Variants in PARP15 observed in about 807,000 individuals in gnomAD.
PARP15 encodes the protein protein mono-ADP-ribosyltransferase PARP15.
PARP15 carries 50 observed loss-of-function variants against 62.1 expected under a neutral mutation model. That is an observed-to-expected ratio of 0.81 (90% CI 0.64 to 1.02). PARP15 has a LOEUF of 1.02. PARP15 is among the 50% of genes least tolerant of loss of function. The pLI is 0.00. For synonymous variants in PARP15, 309 were observed against 293.1 expected, an observed-to-expected ratio of 1.05 and a Z score of -0.55; for missense variants, 820 against 826.5, an observed-to-expected ratio of 0.99 and a Z score of 0.10.
At chr3:122,634,975 G>C (rs776595765) in intron 10 of PARP15, 45 bp from the exon 11 acceptor site, 1 of 1,572,812 alleles carries the variant, frequency 6.4e-7, no homozygotes, top group East Asian at 2.2e-5. Flanking sequence ...AATATACTGA[G>C]CCCCAAGGTC....
intron 1 of PARP15, among the ~76,000 whole-genome samples, chr3:122,586,887 T>A (rs879605325): frequency 6.6e-6 from 1 of 152,216 alleles, no homozygotes; most frequent in Non-Finnish European, 1.5e-5. Context: ...TTTAATAATA[T>A]GTATATACCA....
chr3:122,615,837 C>T lies in PARP15; in HGVS notation c.830C>T (p.Pro277Leu). 1 of 1,613,062 alleles carries T rather than the reference C, an allele frequency of 6.2e-7. No homozygotes were observed. The highest frequency in any genetic ancestry group is 8.5e-7 in the Non-Finnish European group (1 of 1,179,426). Residue 277 changes from proline to leucine, a missense_variant, in exon 5 of 12, where the codon CCC (proline) becomes CTC (leucine). Around this residue, in one of 3 missense-constraint regions of PARP15, gnomAD observed 731 missense variants for 727.7 expected, o/e 1.00. Coordinates refer to ENST00000464300, the MANE Select transcript of PARP15 (RefSeq NM_001113523.3). ...SRINPNKARI[P>L]MAGDTQGVVG... ...ATAAATCCCAACAAGGCCAGGATTC[C>T]CATGGCAGGAGATACCCAAGGTCTG...
chr3:122,624,076 G>A (rs1936529215), intron 8 of PARP15, among the ~76,000 whole-genome samples: 1 of 152,014 alleles, frequency 6.6e-6, no homozygotes, highest in East Asian at 1.9e-4. Flanking sequence ...ACTTGAATTC[G>A]GGAGGCAGAG....
intron 10 of PARP15, among the ~76,000 whole-genome samples, chr3:122,634,564 A>G (rs1937244375): frequency 1.3e-5 from 2 of 152,198 alleles, no homozygotes; most frequent in Admixed American, 1.3e-4. Flanking sequence ...TTATGAGGTG[A>G]TCTGTGACCA....
intron 11 of PARP15, among the ~76,000 whole-genome samples, chr3:122,635,405 T>G (rs1937298931): frequency 6.6e-6 from 1 of 151,966 alleles, no homozygotes; most frequent in African/African-American, 2.4e-5. Flanking sequence ...ACGTGCAGTT[T>G]TTTTTTTAAT....
At chr3:122,630,834 A>G (rs567484081) in intron 9 of PARP15, among the ~76,000 whole-genome samples, 1 of 152,294 alleles carries the variant, frequency 6.6e-6, no homozygotes, top group East Asian at 1.9e-4. Flanking sequence ...TTAACTTTGC[A>G]ACAATCCCAT....
intron 2 of PARP15, among the ~76,000 whole-genome samples, chr3:122,607,684 G>A (rs1281506223): frequency 6.6e-6 from 1 of 152,200 alleles, no homozygotes; most frequent in African/African-American, 2.4e-5. Context: ...AGTCCACTGA[G>A]TTGATTATAA....
At position 122,623,509 on chromosome 3, in the gene PARP15, A is replaced by G. The variant is rs11919207; in HGVS notation, c.1231+1898A>G. 6.2e-3 allele frequency among the ~76,000 whole-genome samples: 951 copies of G among 152,362 alleles called. 10 individuals carry two copies. The highest frequency in any genetic ancestry group is 0.022 in the African/African-American group (904 of 41,592). On this transcript the variant is annotated intron_variant, in intron 8 of 11. Transcript: ENST00000464300. ...GAAGAGGGCTGAGACCAGAACAGTG[A>G]GAAATGCCCACAGGTAGATTGTGGC...
chr3:122,585,175 A>G (rs1933320028), intron 1 of PARP15, among the ~76,000 whole-genome samples: 2 of 152,158 alleles, frequency 1.3e-5, no homozygotes, highest in Admixed American at 1.3e-4. Flanking sequence ...TTTTGCAGTG[A>G]GAAAGATTTA....
intron 1 of PARP15, among the ~76,000 whole-genome samples, chr3:122,597,744 T>G (rs9883921): frequency 0.69 from 105,406 of 151,976 alleles, 39,062 homozygotes; most frequent in East Asian, 0.9. Context: ...TTTATATATA[T>G]GCATATTATA....
chr3:122,623,151 A>G (rs1193424566), intron 8 of PARP15, among the ~76,000 whole-genome samples: 1 of 152,170 alleles, frequency 6.6e-6, no homozygotes, highest in Admixed American at 6.5e-5. Flanking sequence ...TGCTGCAGGC[A>G]TTTTGTTACC....
intron 1 of PARP15, among the ~76,000 whole-genome samples, chr3:122,597,448 T>C (rs71329286): frequency 0.084 from 12,813 of 152,090 alleles, 547 homozygotes; most frequent in Non-Finnish European, 0.1. Context: ...GCCATGCTGG[T>C]GTACTGCACC....
intron 2 of PARP15, among the ~76,000 whole-genome samples, chr3:122,608,547 A>G (rs1935335772): frequency 6.6e-6 from 1 of 151,868 alleles, no homozygotes; most frequent in Non-Finnish European, 1.5e-5. Flanking sequence ...TATTCCATGC[A>G]CCTTGAATGC....
chr3:122,621,929 G>A (rs1559981954), intron 8 of PARP15, among the ~76,000 whole-genome samples: 1 of 152,110 alleles, frequency 6.6e-6, no homozygotes, highest in African/African-American at 2.4e-5. Flanking sequence ...CTCCCAAATA[G>A]CTAGGACCAC....
intron 1 of PARP15, among the ~76,000 whole-genome samples, chr3:122,579,999 GTATATATATATA>G (rs59527124): frequency 5.0e-4 from 32 of 64,460 alleles, no homozygotes; most frequent in Admixed American, 1.5e-3. Context: ...GCAACTATAT[GTATATATATATA>G]TATATATATA....
At chr3:122,623,103 C>T (rs1035299288) in intron 8 of PARP15, among the ~76,000 whole-genome samples, 6 of 152,154 alleles carry the variant, frequency 3.9e-5, no homozygotes, top group Admixed American at 6.5e-5. Flanking sequence ...CTTTTGCTAT[C>T]GGCGGTAATG....
chr3:122,577,959 A>C, intron 1 of PARP15, 106 bp downstream of exon 1: 3 of 1,250,016 alleles, frequency 2.4e-6, no homozygotes, highest in Non-Finnish European at 2.1e-6. Flanking sequence ...GCCACGCACA[A>C]CCCTCTCTTC....
intron 1 of PARP15, among the ~76,000 whole-genome samples, chr3:122,592,313 AT>A (rs1315484883): frequency 8.5e-5 from 13 of 152,216 alleles, no homozygotes; most frequent in African/African-American, 3.1e-4. Context: ...GCTGGAAGCC[AT>A]TATCCTCAGC....
chr3:122,635,731 C>A lies in PARP15; in HGVS notation c.1748-80C>A, dbSNP rs374694785. 9.0e-5 allele frequency: 133 copies of A among 1,478,770 alleles called. No individual in the cohort carries two copies. In the African/African-American group the frequency reaches 1.6e-3, roughly 18 times the overall value. The allele number at this position is 1,478,770 out of a possible 1,614,324, so 91.6% of individuals were successfully genotyped here. On this transcript the variant is annotated intron_variant, in intron 11 of 11. Transcript: ENST00000464300. Reference sequence around the variant, plus strand: ...CCTGGCTAAAACTGCATTTAGAAAACAATTTTGTCAGATTGGGCATGGTTC... The same window carrying A: ...CCTGGCTAAAACTGCATTTAGAAAAAAATTTTGTCAGATTGGGCATGGTTC...
Sources: gnomAD v4.1 joint callset for allele counts (sites outside exome capture counted in the v4.1 genomes callset) on GRCh38, gnomAD v4.1.1 for gene constraint, gnomAD v4.1.1 regional missense constraint, MANE v1.5 for transcripts, NCBI Gene and HGNC (gene_info 2026-07-23, HGNC 2026-07-21) for gene names.